CCDC171: variants seen among roughly 807,000 people sequenced by gnomAD.
The protein encoded by CCDC171 is coiled-coil domain containing 171.
Under a neutral mutation model 168.2 loss-of-function variants are expected in CCDC171, and 177 were observed. That is an observed-to-expected ratio of 1.05 (90% CI 0.93 to 1.19). CCDC171 has a LOEUF of 1.19. Ranked by LOEUF, CCDC171 falls within the 50% of genes most tolerant of loss-of-function variation. The probability of loss-of-function intolerance (pLI) is 0.00; values close to 1 mark genes in which losing one functional copy is unlikely to be tolerated. For missense variants in CCDC171, 1,991 were observed against 1,539.0 expected (o/e 1.29, Z -4.91); for synonymous variants, 687 against 540.8 (o/e 1.27, Z -3.75).
intron 21 of CCDC171, among the ~76,000 whole-genome samples, chr9:15,831,614 T>C (rs922140156): frequency 1.3e-5 from 2 of 152,194 alleles, no homozygotes; most frequent in African/African-American, 2.4e-5. Flanking sequence ...CACAAGTGGA[T>C]TGCATGTTAA....
At chr9:16,008,043 T>G (rs1203858413) in intron 3 of CCDC171, among the ~76,000 whole-genome samples, 1 of 152,200 alleles carries the variant, frequency 6.6e-6, no homozygotes, top group Admixed American at 6.5e-5. Flanking sequence ...TTTTACTTCT[T>G]TATAGTGTCC....
chr9:15,563,650 C>T (rs2039493774), intron 1 of CCDC171, among the ~76,000 whole-genome samples: 1 of 152,142 alleles, frequency 6.6e-6, no homozygotes, highest in African/African-American at 2.4e-5. Flanking sequence ...GATGAGATCT[C>T]CCCATTCCCA....
At chr9:16,007,437 T>G (rs909295650) in intron 3 of CCDC171, among the ~76,000 whole-genome samples, 1 of 152,224 alleles carries the variant, frequency 6.6e-6, no homozygotes, top group African/African-American at 2.4e-5. Context: ...TTTAGTTTAA[T>G]TAGATCCCAA....
At chr9:15,746,464 A>G (rs2055287048) in intron 18 of CCDC171, among the ~76,000 whole-genome samples, 1 of 152,216 alleles carries the variant, frequency 6.6e-6, no homozygotes, top group Admixed American at 6.5e-5. Context: ...CGCATATTTA[A>G]TGTATTGGCA....
intron 10 of CCDC171, among the ~76,000 whole-genome samples, chr9:15,682,756 A>C (rs886483391): frequency 2.0e-5 from 3 of 152,014 alleles, no homozygotes; most frequent in African/African-American, 7.2e-5. Flanking sequence ...TGTTTACATG[A>C]AGATGTGAAC....
At chr9:16,091,257 A>AT in the CCDC171 span, among the ~76,000 whole-genome samples, 2 of 152,218 alleles carry the variant, frequency 1.3e-5, no homozygotes, top group Admixed American at 6.5e-5. Context: ...GATAAGAGCC[A>AT]TTTTTTTCCA....
At chr9:15,885,000 A>T (rs1437670904) in intron 24 of CCDC171, among the ~76,000 whole-genome samples, 1 of 152,192 alleles carries the variant, frequency 6.6e-6, no homozygotes, top group Non-Finnish European at 1.5e-5. Flanking sequence ...CCAGTTAAGT[A>T]TACAGCCATT....
At chr9:15,581,314 A>G (rs1459786169) in intron 4 of CCDC171, among the ~76,000 whole-genome samples, 1 of 152,212 alleles carries the variant, frequency 6.6e-6, no homozygotes, top group Non-Finnish European at 1.5e-5. Context: ...CTTCACGCTC[A>G]TGGATAGGAA....
the CCDC171 span, among the ~76,000 whole-genome samples, chr9:16,100,895 C>T: frequency 6.6e-6 from 1 of 152,194 alleles, no homozygotes; most frequent in Non-Finnish European, 1.5e-5. Context: ...CCCAAGCTCT[C>T]CTCTCCGATT....
chr9:16,093,852 T>C, the CCDC171 span, among the ~76,000 whole-genome samples: 2 of 152,212 alleles, frequency 1.3e-5, no homozygotes, highest in Admixed American at 1.3e-4. Context: ...ATATAGAGCC[T>C]ATCCTGTGTT....
chr9:15,604,735 A>G (rs1427119493), intron 6 of CCDC171, among the ~76,000 whole-genome samples: 1 of 152,132 alleles, frequency 6.6e-6, no homozygotes, highest in Non-Finnish European at 1.5e-5. Context: ...TTGGGGTGCA[A>G]CATATCAAAA....
chr9:15,613,802 C>T (rs934151587), intron 6 of CCDC171, among the ~76,000 whole-genome samples: 18 of 152,214 alleles, frequency 1.2e-4, no homozygotes, highest in Admixed American at 5.9e-4. Context: ...GGATTACAGG[C>T]GTGAACCACC....
chr9:15,806,826 T>C (rs2059105165), intron 21 of CCDC171, among the ~76,000 whole-genome samples: 2 of 152,152 alleles, frequency 1.3e-5, no homozygotes, highest in African/African-American at 4.8e-5. Context: ...TTTCCTGACT[T>C]GTTTGCTTTC....
chr9:15,656,959 A>G (rs2047985378), intron 7 of CCDC171, among the ~76,000 whole-genome samples, 168 bp from the exon 8 acceptor site: 1 of 152,108 alleles, frequency 6.6e-6, no homozygotes, highest in Non-Finnish European at 1.5e-5. Context: ...CAGGCTCTGG[A>G]AGCATTCTTC....
intron 25 of CCDC171, among the ~76,000 whole-genome samples, chr9:15,938,822 C>G (rs970183833): frequency 6.6e-6 from 1 of 151,772 alleles, no homozygotes; most frequent in East Asian, 1.9e-4. Flanking sequence ...GGTTACAGGA[C>G]TTTATTTTTC....
At chr9:15,837,184 C>T (rs1418054240) in intron 21 of CCDC171, among the ~76,000 whole-genome samples, 1 of 152,162 alleles carries the variant, frequency 6.6e-6, no homozygotes, top group Non-Finnish European at 1.5e-5. Flanking sequence ...GAACGTTCTA[C>T]AATATGTACT....
chr9:15,576,709 A>G (rs2040696778), intron 3 of CCDC171, among the ~76,000 whole-genome samples: 1 of 152,228 alleles, frequency 6.6e-6, no homozygotes, highest in African/African-American at 2.4e-5. Context: ...CTTAGAGACG[A>G]TATCCACGTC....
At chr9:16,092,251 C>A in the CCDC171 span, among the ~76,000 whole-genome samples, 1 of 152,188 alleles carries the variant, frequency 6.6e-6, no homozygotes, top group East Asian at 1.9e-4. Flanking sequence ...ACAAGGGGTC[C>A]TCTAATCAAT....
chr9:15,885,307 C>G (rs997471230), intron 24 of CCDC171, among the ~76,000 whole-genome samples: 1 of 152,154 alleles, frequency 6.6e-6, no homozygotes, highest in Non-Finnish European at 1.5e-5. Flanking sequence ...AAGCTGCTGA[C>G]ATGATGTGAA....
Sources: gnomAD v4.1 joint callset for allele counts (sites outside exome capture counted in the v4.1 genomes callset) on GRCh38, gnomAD v4.1.1 for gene constraint, MANE v1.5 for transcripts, NCBI Gene and HGNC (gene_info 2026-07-23, HGNC 2026-07-21) for gene names.